Variants in SUSD4 observed in about 807,000 individuals in gnomAD.
SUSD4 encodes sushi domain-containing protein 4.
SUSD4 carries 41 observed loss-of-function variants against 50.5 expected under a neutral mutation model. The ratio of observed to expected loss-of-function variants is 0.81; its 90% CI spans 0.63 to 1.05. SUSD4 has a LOEUF of 1.05. Among genes scored for constraint, SUSD4 ranks in the 50% least tolerant of loss-of-function variants. The probability of loss-of-function intolerance (pLI) is 0.00; values close to 1 mark genes in which losing one functional copy is unlikely to be tolerated. For missense variants in SUSD4, 580 were observed against 634.7 expected (o/e 0.91, Z 0.93); for synonymous variants, 257 against 257.3 (o/e 1.00, Z 0.01).
intron 5 of SUSD4, among the ~76,000 whole-genome samples, chr1:223,261,732 G>A (rs1360544749): frequency 6.6e-6 from 1 of 152,158 alleles, no homozygotes; most frequent in Non-Finnish European, 1.5e-5. Context: ...CTAAAAGTCT[G>A]GAGACCGTAT....
In SUSD4 at chr1:223,263,540, G is replaced by A. The variant is rs528718959; in HGVS notation, c.724+1090C>T. On this transcript the variant is annotated intron_variant, in intron 5 of 8. Coordinates refer to ENST00000366878, the MANE Select transcript of SUSD4 (RefSeq NM_017982.4). The stretch of plus-strand genomic sequence containing the variant: ...TTGCGATGGGTGGGAAGTGGAGTGA[G>A]GGGAGTTCTAATGATCAGCCTAGGA... 15 of 985,226 alleles carry A rather than the reference G, an allele frequency of 1.5e-5. 1 individual carries two copies. In the South Asian group the frequency reaches 6.1e-4, roughly 40 times the overall value. 61.0% of individuals were successfully genotyped at this position (985,226 alleles called of 1,614,324 possible). A position where few individuals can be genotyped will look rare whatever the true frequency, so the allele number is the denominator to read the frequency against.
intron 2 of SUSD4, among the ~76,000 whole-genome samples, chr1:223,328,734 T>C (rs1667014158): frequency 6.6e-6 from 1 of 152,176 alleles, no homozygotes; most frequent in African/African-American, 2.4e-5. Flanking sequence ...ACCAGACCCA[T>C]GTGTCAGCAG....
intron 2 of SUSD4, among the ~76,000 whole-genome samples, chr1:223,327,879 T>C (rs1666966347): frequency 6.6e-6 from 1 of 152,166 alleles, no homozygotes; most frequent in East Asian, 1.9e-4. Context: ...CCTCTAATCA[T>C]TTGGAAAGCA....
chr1:223,343,294 T>C (rs561214406), intron 2 of SUSD4, among the ~76,000 whole-genome samples: 2 of 152,258 alleles, frequency 1.3e-5, no homozygotes, highest in South Asian at 4.1e-4. Flanking sequence ...CAAGTGAGAT[T>C]CTCCTTCTTC....
chr1:223,227,449 T>G lies in SUSD4; in HGVS notation c.1061+145A>C. 1 of 1,156,448 alleles carries G rather than the reference T, an allele frequency of 8.6e-7. No individual in the cohort carries two copies. The allele number at this position is 1,156,448 out of a possible 1,614,324, so 71.6% of individuals were successfully genotyped here. On this transcript the variant is annotated intron_variant, in intron 7 of 8. Coordinates refer to ENST00000366878, the MANE Select transcript of SUSD4 (RefSeq NM_017982.4). The surrounding 1 kb of genome is among the most constrained non-coding windows in gnomAD (Gnocchi z 4.5). ...ATGAGGTCTGTCTCCAGCTTTGTGC[T>G]CAAAACATCCCAGAACATTGTTTTT...
At chr1:223,274,687 T>C (rs1663141821) in intron 3 of SUSD4, among the ~76,000 whole-genome samples, 1 of 152,256 alleles carries the variant, frequency 6.6e-6, no homozygotes, top group Admixed American at 6.5e-5. Flanking sequence ...ATTTAAAACA[T>C]TCATTTCTAT....
chr1:223,281,660 C>T (rs1383745783), intron 3 of SUSD4, among the ~76,000 whole-genome samples: 1 of 152,108 alleles, frequency 6.6e-6, no homozygotes, highest in African/African-American at 2.4e-5. Flanking sequence ...ACTAGAGGTA[C>T]AAGGAGGAGC....
chr1:223,299,689 G>A (rs972162643), intron 2 of SUSD4, among the ~76,000 whole-genome samples: 3 of 152,188 alleles, frequency 2.0e-5, no homozygotes, highest in African/African-American at 7.2e-5. Flanking sequence ...GAGACAAGCA[G>A]ATTACCCTCC....
chr1:223,344,629 A>C (rs1279049107), intron 2 of SUSD4, among the ~76,000 whole-genome samples: 2 of 151,984 alleles, frequency 1.3e-5, no homozygotes, highest in Non-Finnish European at 2.9e-5. Context: ...CAGTAGGTTC[A>C]GTCTGGTCAC....
intron 5 of SUSD4, among the ~76,000 whole-genome samples, chr1:223,256,731 A>G (rs1219778213): frequency 6.6e-6 from 1 of 152,154 alleles, no homozygotes; most frequent in African/African-American, 2.4e-5. Flanking sequence ...TCTAAGATCA[A>G]CCCTTCCAAC....
intron 3 of SUSD4, among the ~76,000 whole-genome samples, chr1:223,274,855 A>G (rs888555593): frequency 6.6e-6 from 1 of 152,142 alleles, no homozygotes; most frequent in African/African-American, 2.4e-5. Context: ...AAACAACAAA[A>G]TCATAGAGCT....
intron 4 of SUSD4, among the ~76,000 whole-genome samples, 195 bp from the exon 5 acceptor site, chr1:223,265,013 G>A (rs1473409608): frequency 6.6e-6 from 1 of 152,204 alleles, no homozygotes; most frequent in Non-Finnish European, 1.5e-5. Context: ...TATTTGCTCC[G>A]CTATTTGAAA....
intron 3 of SUSD4, among the ~76,000 whole-genome samples, chr1:223,270,164 A>C (rs935833555): frequency 2.0e-5 from 3 of 152,158 alleles, no homozygotes; most frequent in Admixed American, 6.5e-5. Flanking sequence ...CTGGGGATGC[A>C]GGGGTGGTGG....
intron 3 of SUSD4, among the ~76,000 whole-genome samples, chr1:223,281,194 A>T (rs571659064): frequency 6.6e-6 from 1 of 152,346 alleles, no homozygotes; most frequent in East Asian, 1.9e-4. Context: ...AAGCAAGAGC[A>T]AACACATTCA....
At chr1:223,317,007 A>G (rs1173109118) in intron 2 of SUSD4, among the ~76,000 whole-genome samples, 1 of 152,188 alleles carries the variant, frequency 6.6e-6, no homozygotes, top group Non-Finnish European at 1.5e-5. Context: ...GAAGTGTCAG[A>G]GGTATGTGAA....
chr1:223,330,674 G>A (rs1667124614), intron 2 of SUSD4, among the ~76,000 whole-genome samples: 1 of 152,214 alleles, frequency 6.6e-6, no homozygotes, highest in South Asian at 2.1e-4. Context: ...TGCAGCTAAT[G>A]TACAGTTAGC....
In SUSD4 at chr1:223,339,363, G is replaced by A. The variant is rs1447897731; in HGVS notation, c.148+23915C>T. 3.3e-5 allele frequency among the ~76,000 whole-genome samples: 5 copies of A among 152,154 alleles called. No individual in the cohort carries two copies. In the South Asian group the frequency reaches 1.0e-3, roughly 32 times the overall value. On this transcript the variant is annotated intron_variant, in intron 2 of 8. Coordinates refer to ENST00000366878, the MANE Select transcript of SUSD4 (RefSeq NM_017982.4). Reference sequence around the variant, plus strand: ...CTCTAGGAGCTCAGCTGTGGAGGGAGGAAAATGTCAGGGCAGGGCCAAGAT... The same window carrying A: ...CTCTAGGAGCTCAGCTGTGGAGGGAAGAAAATGTCAGGGCAGGGCCAAGAT...
At chr1:223,352,725 T>G (rs190043403) in intron 2 of SUSD4, among the ~76,000 whole-genome samples, 2 of 152,078 alleles carry the variant, frequency 1.3e-5, no homozygotes, top group South Asian at 2.1e-4. Flanking sequence ...GAGTTAGAGA[T>G]AGCAGGCAGC....
chr1:223,304,205 T>A (rs934966044), intron 2 of SUSD4, among the ~76,000 whole-genome samples: 1 of 152,172 alleles, frequency 6.6e-6, no homozygotes, highest in Admixed American at 6.5e-5. Flanking sequence ...TTTTCTGGGA[T>A]AGGAATCTTG....
Sources: gnomAD v4.1 joint callset for allele counts (sites outside exome capture counted in the v4.1 genomes callset) on GRCh38, gnomAD v4.1.1 for gene constraint, Gnocchi (gnomAD v3.1) non-coding constraint, MANE v1.5 for transcripts, NCBI Gene and HGNC (gene_info 2026-07-23, HGNC 2026-07-21) for gene names.